The following KCNH5 variants were observed in gnomAD, a reference collection of about 807,000 sequenced individuals.
KCNH5 encodes the protein potassium voltage-gated channel subfamily H member 5.
Under a neutral mutation model 96.1 loss-of-function variants are expected in KCNH5, and 46 were observed. The observed-to-expected ratio is 0.48, with a 90% CI of 0.38 to 0.61. The LOEUF (loss-of-function observed/expected upper bound fraction) is 0.61. Ranked by LOEUF, KCNH5 falls within the 20% of genes least tolerant of loss-of-function variation. KCNH5 has a pLI of 0.00. For missense variants in KCNH5, 907 were observed against 1,225.8 expected (o/e 0.74, Z 3.88); for synonymous variants, 439 against 449.8 (o/e 0.98, Z 0.30).
intron 9 of KCNH5, among the ~76,000 whole-genome samples, chr14:62,801,848 AGTTCTGGG>A (rs1595628841): frequency 1.3e-5 from 2 of 152,056 alleles, no homozygotes; most frequent in Non-Finnish European, 2.9e-5. Flanking sequence ...TGAGGGAGAA[AGTTCTGGG>A]GTAAAATGAT....
chr14:62,914,590 A>G (rs563579353), intron 7 of KCNH5, among the ~76,000 whole-genome samples: 1 of 152,274 alleles, frequency 6.6e-6, no homozygotes, highest in East Asian at 1.9e-4. Context: ...TCACATTTAC[A>G]TATATTTTAC....
chr14:62,747,113 C>G (rs1885394229), intron 10 of KCNH5, among the ~76,000 whole-genome samples: 1 of 152,234 alleles, frequency 6.6e-6, no homozygotes, highest in Admixed American at 6.5e-5. Flanking sequence ...GCGGGTGGAT[C>G]ACCTGAGGTC....
chr14:62,875,732 TGTGGCCAGGCGCA>T (rs1158297925), intron 7 of KCNH5, among the ~76,000 whole-genome samples: 9 of 152,178 alleles, frequency 5.9e-5, no homozygotes, highest in Non-Finnish European at 1.3e-4. Flanking sequence ...GATACATGCA[TGTGGCCAGGCGCA>T]GTGGCTCATG....
At chr14:63,021,779 G>A (rs752347548) in intron 1 of KCNH5, among the ~76,000 whole-genome samples, 5 of 151,870 alleles carry the variant, frequency 3.3e-5, no homozygotes, top group African/African-American at 2.4e-5. Context: ...ATTCAGAAGC[G>A]TTGGTAACCA....
At chr14:62,987,953 T>C (rs1022671240) in intron 4 of KCNH5, among the ~76,000 whole-genome samples, 2 of 152,282 alleles carry the variant, frequency 1.3e-5, no homozygotes, top group Admixed American at 6.5e-5. Flanking sequence ...CCTTGTAACA[T>C]AGCAAAATGT....
At chr14:62,775,891 T>A (rs148205799) in intron 10 of KCNH5, among the ~76,000 whole-genome samples, 1 of 152,326 alleles carries the variant, frequency 6.6e-6, no homozygotes, top group East Asian at 1.9e-4. Context: ...TTTTACCCCC[T>A]CAAAATCCAT....
At chr14:63,004,195 A>G (rs1382899070) in intron 3 of KCNH5, among the ~76,000 whole-genome samples, 1 of 152,224 alleles carries the variant, frequency 6.6e-6, no homozygotes. Context: ...TTAAATCACA[A>G]AAATATGCTT....
chr14:62,846,789 CTTTTTTTTTT>C (rs766919022), intron 8 of KCNH5, among the ~76,000 whole-genome samples: 142 of 67,474 alleles, frequency 2.1e-3, no homozygotes, highest in African/African-American at 9.0e-3. Context: ...TGTATTGTAT[CTTTTTTTTTT>C]TTTTTTTTTT....
Position 62,847,148 on chromosome 14 carries a change from ATT to A in KCNH5, c.1569+2503_1569+2504del, listed in dbSNP as rs906317546. Among the ~76,000 whole-genome samples the A allele has an allele frequency of 1.5e-4, 22 of 142,530 alleles. 1 individual carries two copies. Among genetic ancestry groups the A allele is most frequent in the Admixed American group, 7.3e-4 (10 of 13,616 alleles). 93.5% of individuals were successfully genotyped at this position (142,530 alleles called of 152,430 possible). On this transcript the variant is annotated intron_variant, in intron 8 of 10. Transcript: ENST00000322893. ...ATTTTAAAATTAAATATTTTTATAT[ATT>A]TTTTATATATATATATTATATATAT...
intron 7 of KCNH5, among the ~76,000 whole-genome samples, chr14:62,922,927 T>G (rs1237024540): frequency 1.3e-5 from 2 of 151,888 alleles, no homozygotes; most frequent in South Asian, 4.1e-4. Context: ...ATATAGTACC[T>G]GAAGTCTTAG....
At chr14:62,951,526 C>A (rs963407619) in intron 6 of KCNH5, among the ~76,000 whole-genome samples, 1 of 152,164 alleles carries the variant, frequency 6.6e-6, no homozygotes, top group Admixed American at 6.5e-5. Flanking sequence ...CTAACCCTGT[C>A]TCCCAGAATG....
At chr14:62,852,462 T>G (rs747255272) in intron 7 of KCNH5, among the ~76,000 whole-genome samples, 3 of 152,248 alleles carry the variant, frequency 2.0e-5, no homozygotes, top group Non-Finnish European at 2.9e-5. Context: ...CAAAAGAAGT[T>G]GCAGAAATAC....
At chr14:62,927,056 A>T (rs1337430103) in intron 7 of KCNH5, among the ~76,000 whole-genome samples, 1 of 152,170 alleles carries the variant, frequency 6.6e-6, no homozygotes, top group Non-Finnish European at 1.5e-5. Flanking sequence ...CAACAAGAAG[A>T]AAACAATCAG....
At chr14:62,897,060 C>A (rs1478300933) in intron 7 of KCNH5, among the ~76,000 whole-genome samples, 1 of 152,178 alleles carries the variant, frequency 6.6e-6, no homozygotes, top group Non-Finnish European at 1.5e-5. Flanking sequence ...AACTCATGGT[C>A]ACTGTGAGCA....
intron 7 of KCNH5, among the ~76,000 whole-genome samples, chr14:62,915,296 T>A (rs1424183281): frequency 1.3e-5 from 2 of 152,362 alleles, no homozygotes; most frequent in African/African-American, 4.8e-5. Flanking sequence ...GCGGGGACTA[T>A]ATGTTTTGGC....
chr14:62,778,081 G>A (rs755829255), intron 10 of KCNH5, among the ~76,000 whole-genome samples: 9 of 152,160 alleles, frequency 5.9e-5, no homozygotes, highest in South Asian at 4.1e-4. Context: ...AGGAATGTAC[G>A]GATGTTGGAT....
chr14:62,922,752 T>A (rs1404595818), intron 7 of KCNH5, among the ~76,000 whole-genome samples: 1 of 151,952 alleles, frequency 6.6e-6, no homozygotes. Context: ...ACATATTTAT[T>A]GATAAAAACT....
chr14:63,013,317 A>G (rs1382780540), intron 2 of KCNH5, among the ~76,000 whole-genome samples: 7 of 152,148 alleles, frequency 4.6e-5, no homozygotes, highest in Non-Finnish European at 8.8e-5. Context: ...CAAGTTGGAT[A>G]CAAAAATGAT....
At position 62,708,452 on chromosome 14, in the gene KCNH5, T is replaced by C. The variant is rs935616256; in HGVS notation, c.2023A>G (p.Ile675Val). The C allele has an allele frequency of 8.8e-6, 14 of 1,584,354 alleles. No homozygotes were observed. The highest frequency in any genetic ancestry group is 1.2e-5 in the Non-Finnish European group (14 of 1,165,390). Residue 675 changes from isoleucine (I) to valine (V), a missense_variant, in exon 11 of 11, where the codon ATC (isoleucine) becomes GTC (valine). Ile to Val is a conservative substitution (Grantham distance 29). Around this residue, in one of 6 missense-constraint regions of KCNH5, gnomAD observed 362 missense variants for 394.4 expected, o/e 0.92. Coordinates refer to ENST00000322893, the MANE Select transcript of KCNH5 (RefSeq NM_139318.5). ...TTCACATCACTGATCTTACGAAAGA[T>C]GATCTGTGGAACGGGAGAGATAGTC... ...TLTCNLRKRI[I>V]FRKISDVKKE...
Sources: allele counts gnomAD v4.1 joint callset (sites outside exome capture counted in the v4.1 genomes callset), GRCh38; gene constraint gnomAD v4.1.1; regional missense constraint gnomAD v4.1.1; transcripts MANE v1.5; gene names NCBI Gene and HGNC (gene_info 2026-07-23, HGNC 2026-07-21).